TCF12: variants seen among roughly 807,000 people sequenced by gnomAD.
TCF12 encodes transcription factor 12.
Under a neutral mutation model 86.0 loss-of-function variants are expected in TCF12, and 45 were observed. That is an observed-to-expected ratio of 0.52 (90% CI 0.41 to 0.67). The LOEUF is 0.67. Ranked by LOEUF, TCF12 falls within the 30% of genes least tolerant of loss-of-function variation. The pLI, the probability that TCF12 is intolerant of heterozygous loss-of-function variation, is 0.00. For synonymous variants in TCF12, 330 were observed against 299.6 expected (o/e 1.10, Z -1.05); for missense variants, 881 against 859.9 (o/e 1.02, Z -0.31).
chr15:57,139,294 ATCCGTTT>A (rs1235393771), intron 5 of TCF12, among the ~76,000 whole-genome samples: 4 of 152,148 alleles, frequency 2.6e-5, no homozygotes, highest in African/African-American at 9.7e-5. Context: ...GTCTTTTATA[ATCCGTTT>A]TATGGCTATT....
intron 13 of TCF12, chr15:57,246,955 G>A: frequency 1.9e-6 from 1 of 533,256 alleles, no homozygotes; most frequent in South Asian, 1.4e-5. Flanking sequence ...CTTTTCTGCT[G>A]TTTTTAGAAC....
At chr15:56,957,035 G>A (rs1311970036) in intron 3 of TCF12, among the ~76,000 whole-genome samples, 5 of 152,200 alleles carry the variant, frequency 3.3e-5, no homozygotes, top group African/African-American at 1.2e-4. Flanking sequence ...CCATTATCAT[G>A]GGAGTAGGTT....
chr15:57,181,948 T>C (rs2056381036), intron 6 of TCF12, among the ~76,000 whole-genome samples: 1 of 152,178 alleles, frequency 6.6e-6, no homozygotes, highest in South Asian at 2.1e-4. Flanking sequence ...ATTTTAGATA[T>C]ATGTATTTCT....
intron 3 of TCF12, among the ~76,000 whole-genome samples, chr15:56,945,857 T>TA (rs1349622329): frequency 6.6e-6 from 1 of 152,190 alleles, no homozygotes; most frequent in Admixed American, 6.5e-5. Context: ...GTGCATTTGT[T>TA]ACCTCAAGAA....
intron 3 of TCF12, among the ~76,000 whole-genome samples, chr15:56,996,207 TG>T (rs1408242560): frequency 6.6e-6 from 1 of 152,136 alleles, no homozygotes; most frequent in Admixed American, 6.5e-5. Flanking sequence ...TGAGGATTTT[TG>T]TGTCTGTATT....
At chr15:57,162,806 C>A (rs1260902931) in intron 5 of TCF12, among the ~76,000 whole-genome samples, 1 of 152,058 alleles carries the variant, frequency 6.6e-6, no homozygotes, top group East Asian at 1.9e-4. Context: ...TCACCTTTAA[C>A]CTTGTTCCTT....
intron 3 of TCF12, among the ~76,000 whole-genome samples, chr15:56,941,685 C>CGT (rs1555452767): frequency 1.1e-4 from 16 of 143,394 alleles, no homozygotes; most frequent in African/African-American, 3.8e-4. Flanking sequence ...TCTTCTTCTT[C>CGT]TTTTTTTTTT....
In TCF12 at chr15:57,007,796, T is replaced by TTCTTTCTTTCTTTCTC. The variant is rs1567241735; in HGVS notation, c.149-55939_149-55938insCTCTTTCTTTCTTTCT. The stretch of plus-strand genomic sequence containing the variant: ...TTTCTTTCTTTCTTTCTTTCTCTCT[T>TTCTTTCTTTCTTTCTC]TCTTTCTTTCTTTCTTTCTTTCTTT... On this transcript the variant is annotated intron_variant, in intron 3 of 20. Transcript: ENST00000333725. Among the ~76,000 whole-genome samples the TTCTTTCTTTCTTTCTC allele has an allele frequency of 2.9e-4, 39 of 136,796 alleles. 1 individual carries two copies. Among genetic ancestry groups the TTCTTTCTTTCTTTCTC allele is most frequent in the African/African-American group, 1.1e-3 (37 of 33,774 alleles). 89.7% of individuals were successfully genotyped at this position (136,796 alleles called of 152,430 possible).
At chr15:56,965,229 A>G (rs533212617) in intron 3 of TCF12, among the ~76,000 whole-genome samples, 2 of 152,144 alleles carry the variant, frequency 1.3e-5, no homozygotes, top group South Asian at 4.1e-4. Flanking sequence ...TATTAATTAT[A>G]TTATGCTCTT....
At chr15:57,284,325 A>G (rs984811017) in intron 20 of TCF12, among the ~76,000 whole-genome samples, 1 of 151,966 alleles carries the variant, frequency 6.6e-6, no homozygotes, top group African/African-American at 2.4e-5. Context: ...CTTCCACCTC[A>G]GCCTCCTGAG....
intron 13 of TCF12, among the ~76,000 whole-genome samples, chr15:57,244,285 G>A (rs1252057078): frequency 6.6e-6 from 1 of 152,100 alleles, no homozygotes; most frequent in African/African-American, 2.4e-5. Flanking sequence ...TGTACTACGG[G>A]TAAGATTCAA....
At chr15:57,163,291 A>G (rs1567543678) in intron 5 of TCF12, among the ~76,000 whole-genome samples, 1 of 152,254 alleles carries the variant, frequency 6.6e-6, no homozygotes, top group Non-Finnish European at 1.5e-5. Flanking sequence ...CCTTAGAAAT[A>G]GACTAGTATC....
At chr15:57,177,174 G>T (rs1161767581) in intron 6 of TCF12, among the ~76,000 whole-genome samples, 1 of 152,090 alleles carries the variant, frequency 6.6e-6, no homozygotes, top group African/African-American at 2.4e-5. Context: ...TGCCTGCAGA[G>T]TGATGTGCAT....
At chr15:57,247,666 A>G in intron 13 of TCF12, 1 of 764,606 alleles carries the variant, frequency 1.3e-6, no homozygotes, top group African/African-American at 1.7e-5. Context: ...CACCAACAAA[A>G]ATTTTCCTCA....
chr15:57,223,582 A>G (rs2058702445), intron 8 of TCF12, among the ~76,000 whole-genome samples: 1 of 149,510 alleles, frequency 6.7e-6, no homozygotes, highest in Non-Finnish European at 1.5e-5. Flanking sequence ...TCCTCTTCTA[A>G]TAGAATTAAT....
chr15:57,052,383 G>A (rs2733177), intron 3 of TCF12, among the ~76,000 whole-genome samples: 86,075 of 151,430 alleles, frequency 0.57, 24,663 homozygotes, highest in Admixed American at 0.61. Context: ...CGTGGTGGCA[G>A]TCTCAGCACT....
chr15:57,045,838 G>A (rs1567312861), intron 3 of TCF12, among the ~76,000 whole-genome samples: 1 of 146,384 alleles, frequency 6.8e-6, no homozygotes, highest in Non-Finnish European at 1.5e-5. Context: ...GAGCCACTGT[G>A]CCTAGCCATG....
chr15:57,043,382 G>A (rs765697714), intron 3 of TCF12, among the ~76,000 whole-genome samples: 3 of 151,962 alleles, frequency 2.0e-5, no homozygotes, highest in South Asian at 2.1e-4. Context: ...CATGGCAACC[G>A]TATCATTTTA....
chr15:57,277,805 G>A (rs1281564553), intron 19 of TCF12, among the ~76,000 whole-genome samples: 7 of 151,594 alleles, frequency 4.6e-5, no homozygotes, highest in African/African-American at 1.5e-4. Context: ...TGGATGTCTT[G>A]GCTCATACCT....
Sources: gnomAD v4.1 joint callset for allele counts (sites outside exome capture counted in the v4.1 genomes callset) on GRCh38, gnomAD v4.1.1 for gene constraint, MANE v1.5 for transcripts, NCBI Gene and HGNC (gene_info 2026-07-23, HGNC 2026-07-21) for gene names.